The following ATP6V1B1 variants were observed in gnomAD, a reference collection of about 807,000 sequenced individuals.
ATP6V1B1 encodes the protein V-type proton ATPase subunit B, kidney isoform.
Under a neutral mutation model 62.1 loss-of-function variants are expected in ATP6V1B1, and 41 were observed. The ratio of observed to expected loss-of-function variants is 0.66; its 90% CI spans 0.51 to 0.86. ATP6V1B1 has a LOEUF of 0.86. Among genes scored for constraint, ATP6V1B1 ranks in the 40% least tolerant of loss-of-function variants. ATP6V1B1 has a pLI of 0.00. For synonymous variants in ATP6V1B1, 253 were observed against 273.4 expected, an observed-to-expected ratio of 0.93 and a Z score of 0.74; for missense variants, 651 against 697.5, an observed-to-expected ratio of 0.93 and a Z score of 0.75.
chr2:70,942,503 G>A (rs1379085771), intron 1 of ATP6V1B1: 1 of 398,106 alleles, frequency 2.5e-6, no homozygotes, highest in East Asian at 3.6e-5. Context: ...GGGAAGGGGA[G>A]GGACTTTTGG....
Position 70,958,445 on chromosome 2 carries a change from CA to C in ATP6V1B1, c.367+20del. 6.4e-7 allele frequency: 1 copy of C among 1,571,832 alleles called. No homozygotes were observed. Among genetic ancestry groups the C allele is most frequent in the Non-Finnish European group, 8.8e-7 (1 of 1,141,686 alleles). On this transcript the variant is annotated intron_variant, in intron 4 of 13. Transcript: ENST00000234396. ...ATGCTGGGTGAGGGACAGGGAGGGG[CA>C]GGGGTGGGGGTGCTCCTCTGCCCTC...
chr2:70,965,201 C>T lies in ATP6V1B1; in HGVS notation c.*80C>T, dbSNP rs117574187. The T allele has an allele frequency of 6.7e-4, 1,053 of 1,578,178 alleles. 14 individuals are homozygous for T. In the East Asian group the frequency reaches 0.02, roughly 31 times the overall value. ...GTCTCCCCTCCCTCGCCACCCCAAC[C>T]AGCGGCTTCTGCGCCGCCCTCCGCC... On this transcript the variant is annotated 3_prime_UTR_variant, in exon 14 of 14. Coordinates refer to ENST00000234396, the MANE Select transcript of ATP6V1B1 (RefSeq NM_001692.4).
At chr2:70,943,629 A>T in intron 1 of ATP6V1B1, 29 bp from the exon 2 acceptor site, 1 of 1,594,686 alleles carries the variant, frequency 6.3e-7, no homozygotes, top group South Asian at 1.1e-5. Context: ...TTGGGGTGAG[A>T]CCCCTACTCA....
intron 2 of ATP6V1B1, 125 bp from the exon 3 acceptor site, chr2:70,957,921 T>A: frequency 1.1e-6 from 1 of 911,854 alleles, no homozygotes; most frequent in Non-Finnish European, 1.7e-6. Flanking sequence ...TTGAGTTCAT[T>A]TCCACAAGTG....
In ATP6V1B1 at chr2:70,964,764, T is replaced by G; in HGVS notation, c.1277T>G (p.Val426Gly). ...GCCTGCTATGCCATCGGGAAGGACG[T>G]GCAGGCCATGAAGGCAGTAGTTGGG... is the stretch of plus-strand genomic sequence containing the variant. Reference protein sequence around the residue: ...LYACYAIGKDVQAMKAVVGEE... With the variant: ...LYACYAIGKDGQAMKAVVGEE... The change falls in exon 13 of 14, where the codon GTG becomes GGG. Residue 426 changes from valine to glycine, a missense_variant. Physicochemically the swap from Val to Gly is moderately radical, Grantham distance 109. Transcript: ENST00000234396. 3.7e-6 allele frequency: 6 copies of G among 1,613,986 alleles called. No homozygotes were observed. Among genetic ancestry groups the G allele is most frequent in the Non-Finnish European group, 5.1e-6 (6 of 1,180,018 alleles).
chr2:70,947,739 G>C (rs1343724474), intron 2 of ATP6V1B1: 1 of 152,238 alleles, frequency 6.6e-6, no homozygotes, highest in Non-Finnish European at 1.5e-5. Flanking sequence ...CAGCTCCCCT[G>C]TGCCTGGCCA....
At chr2:70,954,396 T>C (rs1680388254) in intron 2 of ATP6V1B1, among the ~76,000 whole-genome samples, 1 of 152,246 alleles carries the variant, frequency 6.6e-6, no homozygotes, top group Non-Finnish European at 1.5e-5. Context: ...TTTGCTGTTG[T>C]TATTGATTTC....
intron 1 of ATP6V1B1, chr2:70,942,163 G>A (rs782325016): frequency 2.1e-4 from 120 of 562,014 alleles, no homozygotes; most frequent in Middle Eastern, 5.2e-4. Context: ...TGCAGGGGAA[G>A]GACCCACTAT....
intron 2 of ATP6V1B1, 101 bp from the exon 3 acceptor site, chr2:70,957,945 G>A (rs977528465): frequency 9.4e-7 from 1 of 1,058,308 alleles, no homozygotes; most frequent in Non-Finnish European, 1.4e-6. Context: ...GGACACTAGA[G>A]GGGAGAGAAC....
intron 2 of ATP6V1B1, chr2:70,944,240 T>A (rs1427266052): frequency 2.3e-6 from 3 of 1,288,336 alleles, no homozygotes; most frequent in Non-Finnish European, 3.0e-6. Flanking sequence ...GTAAGTGAAG[T>A]GGGCCCCACC....
chr2:70,950,370 A>G (rs2104815972), intron 2 of ATP6V1B1, among the ~76,000 whole-genome samples: 1 of 152,260 alleles, frequency 6.6e-6, no homozygotes, highest in African/African-American at 2.4e-5. Context: ...ATAATCCATT[A>G]GGGTTGGATC....
At chr2:70,940,266 C>T (rs1679959975) in intron 1 of ATP6V1B1, 1 of 647,386 alleles carries the variant, frequency 1.5e-6, no homozygotes, top group South Asian at 6.9e-5. Context: ...AGTTGAAAGA[C>T]TTGTCTCCTG....
At chr2:70,942,471 C>A in intron 1 of ATP6V1B1, 1 of 398,490 alleles carries the variant, frequency 2.5e-6, no homozygotes, top group Non-Finnish European at 4.4e-6. Context: ...AAAGAAGAAG[C>A]TTGACCACAC....
intron 1 of ATP6V1B1, chr2:70,943,347 T>G: frequency 1.8e-6 from 1 of 550,804 alleles, no homozygotes; most frequent in Non-Finnish European, 3.3e-6. Flanking sequence ...GAGGTGGGGG[T>G]TGAAGCCAGA....
At chr2:70,945,699 G>GATATATATATATATAT (rs1450719874) in intron 2 of ATP6V1B1, among the ~76,000 whole-genome samples, 5 of 70,110 alleles carry the variant, frequency 7.1e-5, no homozygotes, top group African/African-American at 1.0e-4. Context: ...GCTATTTGAA[G>GATATATATATATATAT]AGATATATAT....
intron 2 of ATP6V1B1, among the ~76,000 whole-genome samples, chr2:70,950,397 C>T (rs11890930): frequency 0.058 from 8,778 of 151,036 alleles, 741 homozygotes; most frequent in African/African-American, 0.19. Flanking sequence ...ATATACTTTT[C>T]AAAAGGATTA....
chr2:70,962,599 G>A (rs2104830860), intron 8 of ATP6V1B1, among the ~76,000 whole-genome samples, 178 bp from the exon 9 acceptor site: 1 of 152,300 alleles, frequency 6.6e-6, no homozygotes, highest in Non-Finnish European at 1.5e-5. Context: ...GTTGGAGTCT[G>A]CCTACTCCCA....
At chr2:70,942,400 T>A in intron 1 of ATP6V1B1, 1 of 398,692 alleles carries the variant, frequency 2.5e-6, no homozygotes, top group Non-Finnish European at 4.4e-6. Flanking sequence ...TGTGCAAGAA[T>A]CACCGTGCCC....
intron 2 of ATP6V1B1, among the ~76,000 whole-genome samples, chr2:70,954,643 G>A (rs1283761400): frequency 6.6e-6 from 1 of 152,074 alleles, no homozygotes; most frequent in Non-Finnish European, 1.5e-5. Context: ...TTGGGTTTTT[G>A]TTTGGTTTGG....
Sources: allele counts gnomAD v4.1 joint callset (sites outside exome capture counted in the v4.1 genomes callset), GRCh38; gene constraint gnomAD v4.1.1; transcripts MANE v1.5; gene names NCBI Gene and HGNC (gene_info 2026-07-23, HGNC 2026-07-21).